Variants in IGSF11 observed in about 807,000 individuals in gnomAD.
IGSF11 encodes immunoglobulin superfamily member 11.
In IGSF11, 22 loss-of-function variants were observed where a neutral mutation model predicts 41.0. That is an observed-to-expected ratio of 0.54 (90% confidence interval 0.38 to 0.77). The LOEUF (loss-of-function observed/expected upper bound fraction) is 0.77. IGSF11 is among the 30% of genes least tolerant of loss of function. IGSF11 has a pLI of 0.00. For missense variants in IGSF11, 444 were observed against 530.8 expected (o/e 0.84, Z 1.61); for synonymous variants, 219 against 201.3 (o/e 1.09, Z -0.74).
At chr3:118,929,496 T>C (rs1161070922) in intron 2 of IGSF11, among the ~76,000 whole-genome samples, 1 of 152,222 alleles carries the variant, frequency 6.6e-6, no homozygotes, top group Non-Finnish European at 1.5e-5. Flanking sequence ...TCCATTAACA[T>C]TGTAAATAAA....
intron 1 of IGSF11, among the ~76,000 whole-genome samples, chr3:119,097,572 G>A (rs2076874296): frequency 6.6e-6 from 1 of 152,026 alleles, no homozygotes; most frequent in Non-Finnish European, 1.5e-5. Context: ...GCTAACTTGG[G>A]GACTTGGTGT....
intron 1 of IGSF11, among the ~76,000 whole-genome samples, chr3:119,011,809 T>A (rs926560433): frequency 1.3e-5 from 2 of 152,092 alleles, no homozygotes; most frequent in Admixed American, 1.3e-4. Flanking sequence ...TGGATCAAGA[T>A]AACAGAAACC....
intron 1 of IGSF11, among the ~76,000 whole-genome samples, chr3:119,072,909 G>T (rs1223949757): frequency 6.6e-6 from 1 of 152,160 alleles, no homozygotes; most frequent in Non-Finnish European, 1.5e-5. Context: ...ATTTTACAGA[G>T]AGCTGATTGG....
At chr3:118,916,708 A>G (rs1484327492) in intron 4 of IGSF11, among the ~76,000 whole-genome samples, 1 of 151,912 alleles carries the variant, frequency 6.6e-6, no homozygotes, top group Non-Finnish European at 1.5e-5. Flanking sequence ...CGAGACAGAA[A>G]GTCAACAAGG....
At chr3:119,123,027 A>C (rs1219925098) in intron 1 of IGSF11, among the ~76,000 whole-genome samples, 1 of 152,190 alleles carries the variant, frequency 6.6e-6, no homozygotes, top group Non-Finnish European at 1.5e-5. Context: ...AATGGGGTAG[A>C]GTACCAGTTG....
chr3:119,014,335 A>G (rs1938453354), intron 1 of IGSF11, among the ~76,000 whole-genome samples: 1 of 152,226 alleles, frequency 6.6e-6, no homozygotes, highest in Non-Finnish European at 1.5e-5. Flanking sequence ...TGTATCCAAT[A>G]CATATTTTAC....
intron 1 of IGSF11, among the ~76,000 whole-genome samples, chr3:119,131,929 G>A (rs528911589): frequency 6.6e-6 from 1 of 152,110 alleles, no homozygotes; most frequent in African/African-American, 2.4e-5. Flanking sequence ...TTTCAACCCA[G>A]AATTTCATAT....
intron 1 of IGSF11, among the ~76,000 whole-genome samples, chr3:118,993,001 G>A (rs919835089): frequency 3.3e-5 from 5 of 152,168 alleles, no homozygotes; most frequent in Admixed American, 2.6e-4. Context: ...CAAGGCAGGA[G>A]AATTGCTTGA....
chr3:118,928,094 A>C (rs936841239), intron 3 of IGSF11, among the ~76,000 whole-genome samples: 1 of 152,166 alleles, frequency 6.6e-6, no homozygotes, highest in Non-Finnish European at 1.5e-5. Flanking sequence ...AACTGTGGTG[A>C]TCCTACTCGG....
intron 1 of IGSF11, among the ~76,000 whole-genome samples, chr3:119,087,918 A>G (rs1197905345): frequency 6.6e-6 from 1 of 152,196 alleles, no homozygotes; most frequent in Admixed American, 6.5e-5. Flanking sequence ...GAGCACCAAG[A>G]TTCATAAAAC....
Position 118,902,272 on chromosome 3 carries a change from C to CT in IGSF11, c.*247dup. Reference sequence around the variant, plus strand: ...TCTGCTCTTGTATCTTTTTCCTTGGCTTGGCACATCTTTGAGATCCAGCAG... The same window carrying CT: ...TCTGCTCTTGTATCTTTTTCCTTGGCTTTGGCACATCTTTGAGATCCAGCAG... On this transcript the variant is annotated 3_prime_UTR_variant, in exon 7 of 7. Coordinates refer to ENST00000393775, the MANE Select transcript of IGSF11 (RefSeq NM_001015887.3). The CT allele has an allele frequency of 6.6e-6, 3 of 452,330 alleles. No homozygotes were observed. Among genetic ancestry groups the CT allele is most frequent in the Non-Finnish European group, 1.2e-5 (3 of 253,220 alleles). 28.0% of individuals were successfully genotyped at this position (452,330 alleles called of 1,614,324 possible). A position where few individuals can be genotyped will look rare whatever the true frequency, so the allele number is the denominator to read the frequency against.
chr3:118,953,571 T>G (rs1424133345), intron 1 of IGSF11, among the ~76,000 whole-genome samples: 1 of 152,138 alleles, frequency 6.6e-6, no homozygotes, highest in Non-Finnish European at 1.5e-5. Flanking sequence ...TCTATTATTT[T>G]TTGATTTTTT....
At chr3:118,962,040 G>A (rs1330207619) in intron 1 of IGSF11, among the ~76,000 whole-genome samples, 2 of 152,178 alleles carry the variant, frequency 1.3e-5, no homozygotes, top group African/African-American at 4.8e-5. Context: ...TCTGATACAT[G>A]TTTGTTGGAA....
intron 1 of IGSF11, among the ~76,000 whole-genome samples, chr3:119,077,271 G>A (rs1358470374): frequency 1.3e-5 from 2 of 151,998 alleles, no homozygotes; most frequent in African/African-American, 4.8e-5. Flanking sequence ...CCTGTTGTGG[G>A]GTGGGGGAAG....
intron 1 of IGSF11, among the ~76,000 whole-genome samples, chr3:118,962,665 C>T (rs1945420939): frequency 6.6e-6 from 1 of 151,964 alleles, no homozygotes; most frequent in Admixed American, 6.6e-5. Context: ...ATCTGGAAAT[C>T]ACAAAAAAGT....
chr3:119,020,719 GA>G (rs761357272), intron 1 of IGSF11, among the ~76,000 whole-genome samples: 21 of 152,112 alleles, frequency 1.4e-4, no homozygotes, highest in Non-Finnish European at 2.2e-4. Context: ...CACTGGCTGG[GA>G]TAAATACCAG....
chr3:119,105,833 TTC>T (rs140695201), upstream of IGSF11, among the ~76,000 whole-genome samples: 189 of 152,214 alleles, frequency 1.2e-3, no homozygotes, highest in African/African-American at 4.5e-3. Context: ...TAGGGCTAAA[TTC>T]TCTCTCACTT....
chr3:118,952,629 G>A (rs913482015), intron 1 of IGSF11, among the ~76,000 whole-genome samples: 1 of 151,994 alleles, frequency 6.6e-6, no homozygotes, highest in Non-Finnish European at 1.5e-5. Context: ...GATAGAATAA[G>A]CTTCTAAGAT....
chr3:118,966,962 T>G (rs1372957903), intron 1 of IGSF11, among the ~76,000 whole-genome samples: 24 of 152,080 alleles, frequency 1.6e-4, no homozygotes, highest in Admixed American at 1.6e-3. Context: ...TTCCTACCAC[T>G]TTCTGTAATT....
Sources: gnomAD v4.1 joint callset for allele counts (sites outside exome capture counted in the v4.1 genomes callset) on GRCh38, gnomAD v4.1.1 for gene constraint, MANE v1.5 for transcripts, NCBI Gene and HGNC (gene_info 2026-07-23, HGNC 2026-07-21) for gene names.